ASB4: variants seen among roughly 807,000 people sequenced by gnomAD.
ASB4 encodes the protein ankyrin repeat and SOCS box protein 4.
In ASB4, 35 loss-of-function variants were observed where a neutral mutation model predicts 38.6. The observed-to-expected ratio is 0.91, with a 90% CI of 0.69 to 1.20. The LOEUF (loss-of-function observed/expected upper bound fraction) is 1.20. ASB4 is among the 50% of genes most tolerant of loss of function. ASB4 has a pLI of 0.00. For missense variants in ASB4, 557 were observed against 527.2 expected, an observed-to-expected ratio of 1.06 and a Z score of -0.55; for synonymous variants, 195 against 201.3, an observed-to-expected ratio of 0.97 and a Z score of 0.26.
chr7:95,540,430 A>G (rs1010247461), downstream of ASB4, among the ~76,000 whole-genome samples: 1 of 152,200 alleles, frequency 6.6e-6, no homozygotes, highest in African/African-American at 2.4e-5. Flanking sequence ...CACAAATACA[A>G]TGCAGCCTCT....
chr7:95,549,547 T>G, the ASB4 span, among the ~76,000 whole-genome samples: 14 of 152,204 alleles, frequency 9.2e-5, no homozygotes, highest in South Asian at 2.7e-3. Context: ...TCCGCCCGCC[T>G]TGGGCTCCCA....
At chr7:95,516,914 A>T (rs1366085585) in intron 2 of ASB4, among the ~76,000 whole-genome samples, 1 of 152,132 alleles carries the variant, frequency 6.6e-6, no homozygotes. Context: ...AATGGTGTTC[A>T]CTTTCAGCTT....
chr7:95,504,640 T>A (rs965779554), intron 2 of ASB4, among the ~76,000 whole-genome samples: 9 of 152,152 alleles, frequency 5.9e-5, no homozygotes, highest in Admixed American at 2.0e-4. Flanking sequence ...ACTTATGAAA[T>A]TCAATTTTAA....
chr7:95,471,519 T>C, the ASB4 span, among the ~76,000 whole-genome samples: 1 of 152,228 alleles, frequency 6.6e-6, no homozygotes, highest in African/African-American at 2.4e-5. Context: ...TGTTTACACC[T>C]ATTAGCAATT....
At chr7:95,531,028 C>A (rs904450626) in intron 3 of ASB4, among the ~76,000 whole-genome samples, 4 of 152,144 alleles carry the variant, frequency 2.6e-5, no homozygotes, top group African/African-American at 9.7e-5. Flanking sequence ...AATGAGTATA[C>A]CCTGAATTTA....
intron 1 of ASB4, among the ~76,000 whole-genome samples, chr7:95,487,762 G>T (rs539359532): frequency 9.8e-5 from 15 of 152,304 alleles, no homozygotes; most frequent in African/African-American, 3.6e-4. Context: ...TTTTCATAGT[G>T]TTAGGACTGT....
chr7:95,482,746 T>C (rs1790031470), upstream of ASB4, among the ~76,000 whole-genome samples: 1 of 152,126 alleles, frequency 6.6e-6, no homozygotes, highest in Admixed American at 6.5e-5. Context: ...ACTGGACCCT[T>C]GTAGCTAGGA....
chr7:95,504,234 A>C (rs1489342124), intron 2 of ASB4, among the ~76,000 whole-genome samples: 1 of 152,202 alleles, frequency 6.6e-6, no homozygotes, highest in Non-Finnish European at 1.5e-5. Context: ...TTACTGCAGG[A>C]AAGCCATAAA....
At chr7:95,541,637 T>G (rs1248134534), downstream of ASB4, among the ~76,000 whole-genome samples, 3 of 152,202 alleles carry the variant, frequency 2.0e-5, no homozygotes, top group Non-Finnish European at 4.4e-5. Context: ...GCCAACCAAT[T>G]AATTTTTGCA....
chr7:95,495,744 T>A lies in ASB4; in HGVS notation c.188-14T>A. The A allele has an allele frequency of 6.4e-7, 1 of 1,565,680 alleles. No homozygotes were observed. The highest frequency in any genetic ancestry group is 8.6e-7 in the Non-Finnish European group (1 of 1,160,056). On this transcript the variant is annotated splice_polypyrimidine_tract_variant and intron_variant, in intron 1 of 4. Transcript: ENST00000325885. ...AAGTTAAACTTTCCTTTTCCTTTTTTTTTTTTTTTTCAGGTTACTGGTTGC... is the reference window on the plus strand; with the variant it reads ...AAGTTAAACTTTCCTTTTCCTTTTTATTTTTTTTTTCAGGTTACTGGTTGC...
intron 2 of ASB4, among the ~76,000 whole-genome samples, chr7:95,514,568 A>T (rs1790528804): frequency 6.6e-6 from 1 of 152,208 alleles, no homozygotes; most frequent in African/African-American, 2.4e-5. Flanking sequence ...CAGGGTACAC[A>T]AATTCTCCCT....
chr7:95,496,806 C>T (rs1790255653), intron 2 of ASB4, among the ~76,000 whole-genome samples: 1 of 152,106 alleles, frequency 6.6e-6, no homozygotes, highest in Non-Finnish European at 1.5e-5. Flanking sequence ...TGTGATTATG[C>T]CACTGCACTC....
chr7:95,515,322 T>TTCCA (rs1790563968), intron 2 of ASB4, among the ~76,000 whole-genome samples: 1 of 139,274 alleles, frequency 7.2e-6, no homozygotes, highest in Non-Finnish European at 1.6e-5. Flanking sequence ...TCTTTCTTCC[T>TTCCA]TCCTTCCTTC....
chr7:95,514,675 A>C (rs1790530493), intron 2 of ASB4, among the ~76,000 whole-genome samples: 1 of 152,198 alleles, frequency 6.6e-6, no homozygotes, highest in South Asian at 2.1e-4. Context: ...CCCATTTCTC[A>C]GTGATGAAGA....
intron 2 of ASB4, 141 bp downstream of exon 2, chr7:95,496,198 T>C: frequency 3.0e-6 from 2 of 676,974 alleles, no homozygotes; most frequent in Non-Finnish European, 4.8e-6. Context: ...AAAAAATACA[T>C]AGTTCTGTTG....
the ASB4 span, among the ~76,000 whole-genome samples, chr7:95,549,964 A>T: frequency 1.3e-5 from 2 of 152,208 alleles, no homozygotes; most frequent in African/African-American, 2.4e-5. Context: ...TAGTTCCCAC[A>T]GGGTGAGTAA....
At chr7:95,521,956 G>A (rs1180119078) in intron 2 of ASB4, among the ~76,000 whole-genome samples, 1 of 152,026 alleles carries the variant, frequency 6.6e-6, no homozygotes, top group Admixed American at 6.6e-5. Flanking sequence ...TCGTAGGACA[G>A]AAGAAAACTA....
Position 95,538,097 on chromosome 7 carries a change from A to G in ASB4, c.*338A>G, listed in dbSNP as rs1790921160. The G allele has an allele frequency of 1.0e-5, 2 of 191,398 alleles. No individual in the cohort carries two copies. Among genetic ancestry groups the G allele is most frequent in the South Asian group, 1.6e-4 (1 of 6,384 alleles). 11.9% of individuals were successfully genotyped at this position (191,398 alleles called of 1,614,324 possible). On this transcript the variant is annotated 3_prime_UTR_variant, in exon 5 of 5. Coordinates refer to ENST00000325885, the MANE Select transcript of ASB4 (RefSeq NM_016116.3). ...TGGGACCCAGGTTTTCTTCCAACCA[A>G]TATAATTCTGTGCCTTATCAGTAAT... is the stretch of plus-strand genomic sequence containing the variant.
At chr7:95,480,051 TG>T (rs1247309548) in intron 1 of ASB4, among the ~76,000 whole-genome samples, 1 of 152,200 alleles carries the variant, frequency 6.6e-6, no homozygotes, top group Non-Finnish European at 1.5e-5. Flanking sequence ...GAATTTGCAG[TG>T]CTTTCCAGGG....
Sources: gnomAD v4.1 joint callset for allele counts (sites outside exome capture counted in the v4.1 genomes callset) on GRCh38, gnomAD v4.1.1 for gene constraint, MANE v1.5 for transcripts, NCBI Gene and HGNC (gene_info 2026-07-23, HGNC 2026-07-21) for gene names.